TP53BP1: variants seen among roughly 807,000 people sequenced by gnomAD.
The protein encoded by TP53BP1 is tumor protein p53 binding protein 1, also known as TP53-binding protein 1.
Under a neutral mutation model 200.8 loss-of-function variants are expected in TP53BP1, and 61 were observed. The ratio of observed to expected loss-of-function variants is 0.30; its 90% CI spans 0.25 to 0.38. The LOEUF is 0.38. Among genes scored for constraint, TP53BP1 ranks in the 10% least tolerant of loss-of-function variants. TP53BP1 has a pLI of 1.00. For missense variants in TP53BP1, 2,144 were observed against 2,371.9 expected (o/e 0.90, Z 2.00); for synonymous variants, 822 against 844.3 (o/e 0.97, Z 0.46).
At chr15:43,418,342 A>C (rs1379968607) in intron 21 of TP53BP1, among the ~76,000 whole-genome samples, 1 of 151,280 alleles carries the variant, frequency 6.6e-6, no homozygotes, top group African/African-American at 2.4e-5. Flanking sequence ...TACGAAAAAC[A>C]CAAAAAAAAA....
chr15:43,431,334 C>T (rs140863393), intron 17 of TP53BP1, among the ~76,000 whole-genome samples: 14 of 152,090 alleles, frequency 9.2e-5, no homozygotes, highest in African/African-American at 3.4e-4. Context: ...CCATAGATCC[C>T]ACTCTGCCAC....
intron 11 of TP53BP1, among the ~76,000 whole-genome samples, chr15:43,461,272 T>G (rs1595585405): frequency 6.6e-6 from 1 of 152,090 alleles, no homozygotes; most frequent in African/African-American, 2.4e-5. Context: ...CAGGCTGGAG[T>G]GCAGTAATGC....
At chr15:43,446,102 C>G (rs1387573581) in intron 14 of TP53BP1, among the ~76,000 whole-genome samples, 1 of 152,126 alleles carries the variant, frequency 6.6e-6, no homozygotes, top group African/African-American at 2.4e-5. Context: ...CAATGTGAAT[C>G]CACAGTCCTA....
chr15:43,488,898 A>G (rs1178994451), intron 4 of TP53BP1, among the ~76,000 whole-genome samples: 1 of 152,182 alleles, frequency 6.6e-6, no homozygotes. Context: ...CCGTCTCAAA[A>G]AAAAAAGTGT....
intron 1 of TP53BP1, among the ~76,000 whole-genome samples, chr15:43,501,936 T>C (rs1374794389): frequency 6.6e-6 from 1 of 152,244 alleles, no homozygotes; most frequent in African/African-American, 2.4e-5. Context: ...TGTTTTCATT[T>C]ATCTTGGGTA....
chr15:43,474,153 G>A (rs1385787326), intron 10 of TP53BP1, among the ~76,000 whole-genome samples: 2 of 152,198 alleles, frequency 1.3e-5, no homozygotes, highest in South Asian at 4.1e-4. Flanking sequence ...GGGGCCGGCA[G>A]GGCCGGCCGG....
chr15:43,509,609 A>G (rs1427421692), intron 1 of TP53BP1, among the ~76,000 whole-genome samples: 3 of 152,106 alleles, frequency 2.0e-5, no homozygotes, highest in African/African-American at 4.8e-5. Flanking sequence ...GGGTTTCTCC[A>G]TGTTGGCCAG....
chr15:43,494,338 TA>T (rs2079166681), upstream of TP53BP1, among the ~76,000 whole-genome samples: 1 of 152,242 alleles, frequency 6.6e-6, no homozygotes, highest in Admixed American at 6.5e-5. Flanking sequence ...TGGAGCTTCC[TA>T]CCAGTCTTCT....
chr15:43,432,469 T>G lies in TP53BP1; in HGVS notation c.3400A>C (p.Lys1134Gln). 2 of 1,614,196 alleles carry G rather than the reference T, an allele frequency of 1.2e-6. No individual in the cohort carries two copies. The highest frequency in any genetic ancestry group is 2.2e-5 in the South Asian group (2 of 91,080). The change falls in exon 17 of 28, where the codon AAA (lysine) becomes CAA (glutamine). Residue 1134 changes from lysine (K) to glutamine (Q), a missense_variant. By Grantham distance (53) the Lys-to-Gln change is moderately conservative. This residue lies in a region of TP53BP1 where 1,700 missense variants were observed against 1,710.3 expected (regional missense o/e 0.99). Transcript: ENST00000382044. ...TCCTTATTAGTACTCCGTCCTTCTTTCTGGTCTTCTAGCACATCTGTCACC... is the reference window on the plus strand; with the variant it reads ...TCCTTATTAGTACTCCGTCCTTCTTGCTGGTCTTCTAGCACATCTGTCACC... ...AMVTDVLEDQ[K>Q]EGRSTNKENP... is the part of the protein sequence containing the mutation.
At chr15:43,442,818 T>C (rs1483324611) in intron 14 of TP53BP1, among the ~76,000 whole-genome samples, 2 of 126,126 alleles carry the variant, frequency 1.6e-5, no homozygotes, top group Non-Finnish European at 3.5e-5. Context: ...TAATATTCTT[T>C]TTTTTTTTTT....
chr15:43,432,062 T>C lies in TP53BP1; in HGVS notation c.3675+132A>G, dbSNP rs1362020381. 40 of 1,301,020 alleles carry C rather than the reference T, an allele frequency of 3.1e-5. No individual in the cohort carries two copies. In the East Asian group the frequency reaches 8.1e-4, roughly 26 times the overall value. 80.6% of individuals were successfully genotyped at this position (1,301,020 alleles called of 1,614,324 possible). ...TATCTGTATCTTAGAAAAGTTGTTT[T>C]TGTCTTTTAACCACTGTTCTGTACA... On this transcript the variant is annotated intron_variant, in intron 17 of 27. Transcript: ENST00000382044.
chr15:43,446,613 G>C, intron 13 of TP53BP1, 23 bp from the exon 14 acceptor site: 1 of 1,594,836 alleles, frequency 6.3e-7, no homozygotes, highest in Non-Finnish European at 8.5e-7. Flanking sequence ...AGGCAGGGAG[G>C]AAGAAAAAAA....
chr15:43,437,922 G>A (rs1012389749), intron 16 of TP53BP1, among the ~76,000 whole-genome samples: 5 of 152,194 alleles, frequency 3.3e-5, no homozygotes, highest in African/African-American at 1.2e-4. Context: ...AAATGTCCAA[G>A]GACATGGCAC....
At position 43,405,297 on chromosome 15, in the gene TP53BP1, CACAAATAAAT is replaced by C; in HGVS notation, c.*2076_*2085del. 1 of 1,495,286 alleles carries C rather than the reference CACAAATAAAT, an allele frequency of 6.7e-7. No homozygotes were observed. Among genetic ancestry groups the C allele is most frequent in the South Asian group, 1.1e-5 (1 of 88,172 alleles). The allele number at this position is 1,495,286 out of a possible 1,614,324, so 92.6% of individuals were successfully genotyped here. A position where few individuals can be genotyped will look rare whatever the true frequency, so the allele number is the denominator to read the frequency against. On this transcript the variant is annotated 3_prime_UTR_variant, in exon 28 of 28. Transcript: ENST00000382044. ...TTCAAAACATCCCATTCTAGCCACA[CACAAATAAAT>C]ATCTGCGGCTTAGTGATAGGACTCT...
chr15:43,457,272 T>C, intron 11 of TP53BP1, 54 bp from the exon 12 acceptor site: 1 of 1,412,700 alleles, frequency 7.1e-7, no homozygotes, highest in South Asian at 1.5e-5. Flanking sequence ...CATATATCTT[T>C]TATATCGAAT....
At position 43,480,920 on chromosome 15, in the gene TP53BP1, A is replaced by T; in HGVS notation, c.474T>A (p.Asn158Lys). 6.2e-7 allele frequency: 1 copy of T among 1,614,140 alleles called. No homozygotes were observed. The highest frequency in any genetic ancestry group is 1.3e-5 in the African/African-American group (1 of 75,042). Residue 158 changes from asparagine to lysine, a missense_variant, in exon 5 of 28, where the codon AAT becomes AAA. Physicochemically the swap from Asn to Lys is moderately conservative, Grantham distance 94. This residue lies in a region of TP53BP1 where 1,700 missense variants were observed against 1,710.3 expected (regional missense o/e 0.99). Transcript: ENST00000382044. ...EKEKEEDTSG[N>K]TTHSLGAEDT... ...CTTCAGCACCAAGGGAATGTGTAGT[A>T]TTGCCTGAAGTATCTTCTTCCTTCT...
intron 13 of TP53BP1, 89 bp downstream of exon 13, chr15:43,447,277 C>A: frequency 2.1e-6 from 3 of 1,414,612 alleles, no homozygotes; most frequent in Non-Finnish European, 1.9e-6. Context: ...ACCAGCCAGA[C>A]CCAACTCCTC....
intron 1 of TP53BP1, among the ~76,000 whole-genome samples, chr15:43,502,222 C>T (rs2079212985): frequency 6.6e-6 from 1 of 152,002 alleles, no homozygotes; most frequent in Non-Finnish European, 1.5e-5. Flanking sequence ...ACTAGGGAGG[C>T]TGAGGTGGGA....
chr15:43,458,332 T>A (rs1210451292), intron 11 of TP53BP1, among the ~76,000 whole-genome samples: 2 of 151,682 alleles, frequency 1.3e-5, no homozygotes, highest in Non-Finnish European at 2.9e-5. Flanking sequence ...CTCACAAGGC[T>A]GAGGCAGGAG....
Sources: gnomAD v4.1 joint callset for allele counts (sites outside exome capture counted in the v4.1 genomes callset) on GRCh38, gnomAD v4.1.1 for gene constraint, gnomAD v4.1.1 regional missense constraint, MANE v1.5 for transcripts, NCBI Gene and HGNC (gene_info 2026-07-23, HGNC 2026-07-21) for gene names.